The following OSBPL1A variants were observed in gnomAD, a reference collection of about 807,000 sequenced individuals.
The protein encoded by OSBPL1A is oxysterol-binding protein-related protein 1.
In OSBPL1A, 80 loss-of-function variants were observed where a neutral mutation model predicts 137.1. The observed-to-expected ratio is 0.58, with a 90% CI of 0.49 to 0.70. OSBPL1A has a LOEUF of 0.70. Among genes scored for constraint, OSBPL1A ranks in the 30% least tolerant of loss-of-function variants. The probability of loss-of-function intolerance (pLI) is 0.00; values close to 1 mark genes in which losing one functional copy is unlikely to be tolerated. For missense variants in OSBPL1A, 970 were observed against 1,129.4 expected (o/e 0.86, Z 2.02); for synonymous variants, 365 against 389.7 (o/e 0.94, Z 0.75).
chr18:24,255,329 A>G (rs1046296455), intron 15 of OSBPL1A, among the ~76,000 whole-genome samples: 1 of 152,236 alleles, frequency 6.6e-6, no homozygotes, highest in Non-Finnish European at 1.5e-5. Flanking sequence ...AGAGAAGGGA[A>G]TACTTCCAAA....
intron 18 of OSBPL1A, among the ~76,000 whole-genome samples, chr18:24,195,024 C>G (rs545363051): frequency 9.5e-4 from 145 of 152,170 alleles, no homozygotes; most frequent in South Asian, 8.3e-4. Flanking sequence ...AGAGGCCAGG[C>G]ATGGTGGCTA....
At chr18:24,241,299 T>C (rs1173830329) in intron 15 of OSBPL1A, among the ~76,000 whole-genome samples, 1 of 152,142 alleles carries the variant, frequency 6.6e-6, no homozygotes, top group Non-Finnish European at 1.5e-5. Flanking sequence ...ACTAAAGAGC[T>C]TCTGCACAGC....
At chr18:24,288,537 G>A (rs1433637215) in intron 14 of OSBPL1A, among the ~76,000 whole-genome samples, 1 of 152,226 alleles carries the variant, frequency 6.6e-6, no homozygotes, top group Non-Finnish European at 1.5e-5. Context: ...GGAGGCCAAG[G>A]CAGGCAGATC....
chr18:24,329,112 T>C (rs1486755722), intron 7 of OSBPL1A, among the ~76,000 whole-genome samples: 2 of 152,192 alleles, frequency 1.3e-5, no homozygotes, highest in Admixed American at 6.5e-5. Context: ...CCAGACATAG[T>C]GGCATGCATC....
intron 7 of OSBPL1A, among the ~76,000 whole-genome samples, chr18:24,325,086 G>C (rs911071898): frequency 7.0e-6 from 1 of 143,370 alleles, no homozygotes; most frequent in Non-Finnish European, 1.5e-5. Context: ...ACTCAGTATC[G>C]AAACAAAAAA....
intron 15 of OSBPL1A, among the ~76,000 whole-genome samples, chr18:24,254,267 C>T (rs768182864): frequency 3.3e-4 from 50 of 152,256 alleles, no homozygotes; most frequent in Non-Finnish European, 2.1e-4. Context: ...CACAACACCC[C>T]ATTTTCAGCA....
At chr18:24,391,874 T>C (rs1907385843) in intron 1 of OSBPL1A, among the ~76,000 whole-genome samples, 1 of 152,178 alleles carries the variant, frequency 6.6e-6, no homozygotes, top group Non-Finnish European at 1.5e-5. Context: ...CTTTTTCTTT[T>C]TTTTTGAGAC....
At chr18:24,189,157 C>T (rs1306825117) in intron 18 of OSBPL1A, among the ~76,000 whole-genome samples, 2 of 152,228 alleles carry the variant, frequency 1.3e-5, no homozygotes, top group African/African-American at 4.8e-5. Context: ...ACTGCAACTG[C>T]TCATTGGCTG....
intron 21 of OSBPL1A, among the ~76,000 whole-genome samples, chr18:24,175,549 T>C (rs183531413): frequency 3.2e-4 from 48 of 152,346 alleles, no homozygotes; most frequent in African/African-American, 1.1e-3. Context: ...AAGTCCTTTG[T>C]TGGCTATATG....
intron 4 of OSBPL1A, among the ~76,000 whole-genome samples, chr18:24,350,955 G>T (rs1312160065): frequency 1.3e-5 from 2 of 152,146 alleles, no homozygotes; most frequent in Non-Finnish European, 2.9e-5. Context: ...ATATCAGAAA[G>T]TGGTGAAGAG....
At position 24,253,170 on chromosome 18, in the gene OSBPL1A, G is replaced by T. The variant is rs1241041419; in HGVS notation, c.1282-13788C>A. On this transcript the variant is annotated intron_variant, in intron 15 of 27. Transcript: ENST00000319481. ...ACTCTCCAATGAAAAGACATGGCGG[G>T]GGGGGGCGCTGAATGGATGAAAAAA... 1.4e-5 allele frequency among the ~76,000 whole-genome samples: 2 copies of T among 141,690 alleles called. 1 individual carries two copies. Among genetic ancestry groups the T allele is most frequent in the East Asian group, 4.6e-4 (2 of 4,380 alleles). 93.0% of individuals were successfully genotyped at this position (141,690 alleles called of 152,430 possible).
intron 17 of OSBPL1A, among the ~76,000 whole-genome samples, chr18:24,221,053 T>G (rs2087874274): frequency 6.6e-6 from 1 of 152,152 alleles, no homozygotes; most frequent in Non-Finnish European, 1.5e-5. Context: ...AGTACTAGTA[T>G]TACAAGCATG....
chr18:24,179,969 T>C, intron 19 of OSBPL1A, 134 bp from the exon 20 acceptor site: 1 of 687,568 alleles, frequency 1.5e-6, no homozygotes, highest in East Asian at 2.7e-5. Flanking sequence ...AGTTTTAATA[T>C]GGCTCTAGCA....
intron 15 of OSBPL1A, among the ~76,000 whole-genome samples, chr18:24,270,495 C>G (rs2089692181): frequency 6.6e-6 from 1 of 152,120 alleles, no homozygotes; most frequent in Admixed American, 6.5e-5. Context: ...AGAGGGGAGA[C>G]TAGAGTCCAG....
chr18:24,353,591 T>C (rs1341030867), intron 4 of OSBPL1A, among the ~76,000 whole-genome samples: 8 of 151,358 alleles, frequency 5.3e-5, no homozygotes, highest in African/African-American at 2.0e-4. Context: ...GGATTATAAA[T>C]CATGCTGCTA....
chr18:24,217,019 A>T (rs1167027869), intron 17 of OSBPL1A, among the ~76,000 whole-genome samples: 1 of 152,196 alleles, frequency 6.6e-6, no homozygotes, highest in African/African-American at 2.4e-5. Context: ...TATTGCCTAC[A>T]AATATCTATA....
At chr18:24,299,279 G>A (rs1472064700) in intron 14 of OSBPL1A, among the ~76,000 whole-genome samples, 4 of 152,024 alleles carry the variant, frequency 2.6e-5, no homozygotes, top group Non-Finnish European at 4.4e-5. Context: ...CATGTTAGTC[G>A]ATACCTAGAT....
intron 16 of OSBPL1A, among the ~76,000 whole-genome samples, chr18:24,226,952 T>G (rs1252001196): frequency 7.3e-6 from 1 of 137,908 alleles, no homozygotes; most frequent in Non-Finnish European, 1.5e-5. Flanking sequence ...AGTGCAGTGG[T>G]GCAATCTCGG....
intron 17 of OSBPL1A, among the ~76,000 whole-genome samples, chr18:24,196,418 T>C (rs370617956): frequency 6.6e-6 from 1 of 152,220 alleles, no homozygotes; most frequent in East Asian, 1.9e-4. Flanking sequence ...ACTGCTCCTC[T>C]GTCTTCAGCA....
Sources: allele counts gnomAD v4.1 joint callset (sites outside exome capture counted in the v4.1 genomes callset), GRCh38; gene constraint gnomAD v4.1.1; transcripts MANE v1.5; gene names NCBI Gene and HGNC (gene_info 2026-07-23, HGNC 2026-07-21).